The following RBFOX1 variants were observed in gnomAD, a reference collection of about 807,000 sequenced individuals.
The protein encoded by RBFOX1 is RNA binding fox-1 homolog 1.
In RBFOX1, 8 loss-of-function variants were observed where a neutral mutation model predicts 57.7. The ratio of observed to expected loss-of-function variants is 0.14; its 90% confidence interval spans 0.08 to 0.25. The LOEUF is 0.25. Among genes scored for constraint, RBFOX1 ranks in the 10% least tolerant of loss-of-function variants. The probability of loss-of-function intolerance (pLI) is 1.00; values close to 1 mark genes in which losing one functional copy is unlikely to be tolerated. For synonymous variants in RBFOX1, 326 were observed against 222.4 expected (o/e 1.47, Z -4.15); for missense variants, 611 against 548.5 (o/e 1.11, Z -1.14).
chr16:5,771,964 G>T (rs371584369), intron 3 of RBFOX1, among the ~76,000 whole-genome samples: 8 of 152,112 alleles, frequency 5.3e-5, no homozygotes, highest in African/African-American at 1.7e-4. Context: ...ACGAGGTCAG[G>T]ATTTTGAGAC....
intron 3 of RBFOX1, among the ~76,000 whole-genome samples, chr16:6,816,816 C>T (rs1039251600): frequency 6.6e-6 from 1 of 151,952 alleles, no homozygotes; most frequent in East Asian, 1.9e-4. Flanking sequence ...GCAATCATAT[C>T]TCACTGCAGT....
rs187590691 is a variant in RBFOX1 at position 7,340,989 on chromosome 16, C to T, written c.28-177158C>T. Among the ~76,000 whole-genome samples the T allele has an allele frequency of 2.4e-4, 37 of 151,380 alleles. No individual in the cohort carries two copies. The East Asian group carries it at 4.1e-3, about 17-fold the overall frequency. ...GGAAGACCTACGGATTTCACACTCT[C>T]TGCTGCTGCTTTGGTGTTCGGCAAT... On this transcript the variant is annotated intron_variant, in intron 4 of 15. Coordinates refer to ENST00000550418, the MANE Select transcript of RBFOX1 (RefSeq NM_018723.4).
rs565522888 is a variant in RBFOX1, at chr16:5,617,799, G to T, written c.318+18838G>T. ...TGATTTGTTGCAGAGCCCAGGTCAG[G>T]TAGCCATTTATATTTAATAGAAGAA... On this transcript the variant is annotated intron_variant, in intron 3 of 19. Transcript: ENST00000641259. Among the ~76,000 whole-genome samples, 11 of 152,298 alleles carry T rather than the reference G, an allele frequency of 7.2e-5. No homozygotes were observed. The South Asian group carries it at 2.1e-3, about 29-fold the overall frequency.
chr16:7,249,089 G>C (rs899158230), intron 4 of RBFOX1, among the ~76,000 whole-genome samples: 1 of 152,082 alleles, frequency 6.6e-6, no homozygotes, highest in Non-Finnish European at 1.5e-5. Context: ...TGATAGGAGA[G>C]GGAGGGGAAG....
intron 2 of RBFOX1, among the ~76,000 whole-genome samples, chr16:6,364,164 C>A (rs995951811): frequency 6.6e-6 from 1 of 152,186 alleles, no homozygotes; most frequent in Non-Finnish European, 1.5e-5. Context: ...CTCTCCTTTG[C>A]AAGCCAGGAA....
intron 3 of RBFOX1, among the ~76,000 whole-genome samples, chr16:6,729,960 C>G (rs141187572): frequency 6.8e-4 from 104 of 152,064 alleles, no homozygotes; most frequent in African/African-American, 2.2e-3. Flanking sequence ...ATCAAAAACT[C>G]AGATCCTGAT....
rs564017719 is a variant in RBFOX1, at chr16:6,889,120, C to T, written c.-15-162937C>T. 1.4e-3 allele frequency among the ~76,000 whole-genome samples: 206 copies of T among 152,308 alleles called. 1 individual carries two copies. In the Middle Eastern group the frequency reaches 0.021, roughly 15 times the overall value. On this transcript the variant is annotated intron_variant, in intron 3 of 15. Transcript: ENST00000550418. ...ACAGTGGACAAGAATTCCAAAAAAC[C>T]TGGCTTCAAATCTCCAATCTATTAC... is the stretch of plus-strand genomic sequence containing the variant.
intron 3 of RBFOX1, among the ~76,000 whole-genome samples, chr16:5,770,507 G>A (rs926078162): frequency 1.3e-5 from 2 of 152,170 alleles, no homozygotes; most frequent in Non-Finnish European, 2.9e-5. Flanking sequence ...ATATAATTAA[G>A]GAGTTGTTAT....
chr16:5,622,814 C>T (rs2048237980), intron 3 of RBFOX1, among the ~76,000 whole-genome samples: 1 of 152,202 alleles, frequency 6.6e-6, no homozygotes, highest in Non-Finnish European at 1.5e-5. Flanking sequence ...ATTCAACCAA[C>T]CTCGATTCAA....
At chr16:5,943,946 TCC>T (rs2059334861) in intron 4 of RBFOX1, among the ~76,000 whole-genome samples, 2 of 149,666 alleles carry the variant, frequency 1.3e-5, no homozygotes, top group African/African-American at 5.0e-5. Context: ...CTATTTTCCA[TCC>T]ATCCATCCAT....
At chr16:7,146,052 C>A (rs1414175342) in intron 4 of RBFOX1, among the ~76,000 whole-genome samples, 1 of 152,188 alleles carries the variant, frequency 6.6e-6, no homozygotes, top group Non-Finnish European at 1.5e-5. Context: ...GCTAACTTCC[C>A]ACTTCTTTTG....
intron 4 of RBFOX1, among the ~76,000 whole-genome samples, chr16:7,116,407 AG>A (rs1156474824): frequency 9.9e-5 from 15 of 152,166 alleles, no homozygotes; most frequent in Admixed American, 9.8e-4. Flanking sequence ...CAGTAGGGAC[AG>A]CAATATTGCA....
chr16:6,904,503 A>C (rs2069276761), intron 3 of RBFOX1, among the ~76,000 whole-genome samples: 1 of 146,230 alleles, frequency 6.8e-6, no homozygotes. Flanking sequence ...CGGGAGGCCG[A>C]GGCAGGAGAA....
chr16:5,645,514 A>G (rs1256808652), intron 3 of RBFOX1, among the ~76,000 whole-genome samples: 1 of 152,192 alleles, frequency 6.6e-6, no homozygotes, highest in Non-Finnish European at 1.5e-5. Flanking sequence ...AATATACTGA[A>G]TGGTTCACTT....
chr16:5,272,321 A>C (rs1024374803), intron 1 of RBFOX1, among the ~76,000 whole-genome samples: 3 of 152,202 alleles, frequency 2.0e-5, no homozygotes, highest in Admixed American at 1.3e-4. Context: ...ACATCACATA[A>C]ATGTGTACAA....
At chr16:6,304,313 C>CAG (rs1340116485) in intron 1 of RBFOX1, among the ~76,000 whole-genome samples, 2 of 152,022 alleles carry the variant, frequency 1.3e-5, no homozygotes, top group Admixed American at 6.5e-5. Flanking sequence ...AATTAATGAA[C>CAG]AGAAGTTCCA....
rs558382887 is a variant in RBFOX1, at chr16:5,300,412, C to T, written c.219+60307C>T. Among the ~76,000 whole-genome samples the T allele has an allele frequency of 7.2e-5, 11 of 152,180 alleles. No individual in the cohort carries two copies. In the South Asian group the frequency reaches 8.3e-4, roughly 11 times the overall value. ...AAAGACTACACATGGGTACAGTGTA[C>T]ACTGCTTGGGTGATGAGTGCATCAA... On this transcript the variant is annotated intron_variant, in intron 1 of 2. Coordinates refer to the RBFOX1 transcript ENST00000585867.
chr16:6,499,183 T>G (rs2095851642), intron 2 of RBFOX1, among the ~76,000 whole-genome samples: 1 of 152,158 alleles, frequency 6.6e-6, no homozygotes, highest in Non-Finnish European at 1.5e-5. Context: ...CTCCTCCTAT[T>G]GACTAGGAAA....
intron 4 of RBFOX1, among the ~76,000 whole-genome samples, chr16:5,997,637 G>A (rs754852543): frequency 2.0e-5 from 3 of 152,164 alleles, no homozygotes; most frequent in Admixed American, 6.5e-5. Flanking sequence ...AATGAATTAT[G>A]CCAAGGAAAA....
Sources: allele counts gnomAD v4.1 joint callset (sites outside exome capture counted in the v4.1 genomes callset), GRCh38; gene constraint gnomAD v4.1.1; transcripts MANE v1.5; gene names NCBI Gene and HGNC (gene_info 2026-07-23, HGNC 2026-07-21).